LEKR1: variants seen among roughly 807,000 people sequenced by gnomAD.
The protein encoded by LEKR1 is leucine, glutamate and lysine rich 1.
LEKR1 carries 59 observed loss-of-function variants against 72.4 expected under a neutral mutation model. The observed-to-expected ratio is 0.82, with a 90% CI of 0.66 to 1.01. LEKR1 has a LOEUF of 1.01. LEKR1 is among the 50% of genes least tolerant of loss of function. The pLI, the probability that LEKR1 is intolerant of heterozygous loss-of-function variation, is 0.00. For missense variants in LEKR1, 728 were observed against 759.2 expected (o/e 0.96, Z 0.48); for synonymous variants, 257 against 263.2 (o/e 0.98, Z 0.23).
chr3:156,844,787 A>G (rs2108533986), intron 2 of LEKR1, among the ~76,000 whole-genome samples: 1 of 151,962 alleles, frequency 6.6e-6, no homozygotes. Flanking sequence ...GTTTTTTTCC[A>G]CTTTTCAGCT....
intron 12 of LEKR1, among the ~76,000 whole-genome samples, chr3:157,039,113 G>C (rs961417561): frequency 1.3e-5 from 2 of 152,042 alleles, no homozygotes; most frequent in Non-Finnish European, 2.9e-5. Context: ...ATCTCTACAG[G>C]GCTACCAAGA....
At chr3:156,958,900 G>A (rs760159090) in intron 6 of LEKR1, among the ~76,000 whole-genome samples, 14 of 151,882 alleles carry the variant, frequency 9.2e-5, no homozygotes, top group Non-Finnish European at 1.6e-4. Flanking sequence ...CATTCAAATC[G>A]TTTTGTTTGG....
intron 3 of LEKR1, among the ~76,000 whole-genome samples, chr3:156,883,716 A>T (rs1258122390): frequency 1.3e-5 from 2 of 152,178 alleles, no homozygotes; most frequent in Non-Finnish European, 1.5e-5. Flanking sequence ...GCCATGTAAG[A>T]CATGCCTTTC....
chr3:157,042,938 A>AT (rs1735465741), intron 12 of LEKR1, among the ~76,000 whole-genome samples: 1 of 152,170 alleles, frequency 6.6e-6, no homozygotes, highest in South Asian at 2.1e-4. Flanking sequence ...TCAAATTGTA[A>AT]TCCCCAGTGT....
intron 7 of LEKR1, among the ~76,000 whole-genome samples, chr3:156,981,401 ACTAATTAT>A (rs1244484944): frequency 2.0e-5 from 3 of 152,256 alleles, no homozygotes; most frequent in Admixed American, 2.0e-4. Context: ...AGTCCATCAA[ACTAATTAT>A]CTGTAGGAAG....
In LEKR1 at chr3:156,826,382, G is replaced by A. The variant is rs1711591117; in HGVS notation, c.-45+6G>A. 1 of 152,886 alleles carries A rather than the reference G, an allele frequency of 6.5e-6. No individual in the cohort carries two copies. 9.5% of individuals were successfully genotyped at this position (152,886 alleles called of 1,614,324 possible). ...CCGTCCTAGTCGAAGTCGAGGTGAG[G>A]GACGATGGCTTTCCTCAGCCTGGGA... On this transcript the variant is annotated splice_donor_region_variant and intron_variant, in intron 1 of 12. Transcript: ENST00000356539.
chr3:156,899,766 GCATATATACA>G (rs67916376), intron 3 of LEKR1, among the ~76,000 whole-genome samples: 2,521 of 104,100 alleles, frequency 0.024, 121 homozygotes, highest in African/African-American at 0.071. Context: ...ACATATACAT[GCATATATACA>G]CATATATACA....
chr3:157,011,178 A>G (rs555952845), intron 9 of LEKR1, among the ~76,000 whole-genome samples: 8 of 152,240 alleles, frequency 5.3e-5, no homozygotes, highest in Admixed American at 4.6e-4. Context: ...CCAAAATAAT[A>G]TCTTATTACT....
At chr3:157,026,771 A>C (rs2108035808) in intron 11 of LEKR1, among the ~76,000 whole-genome samples, 1 of 152,342 alleles carries the variant, frequency 6.6e-6, no homozygotes. Context: ...AATATTTATA[A>C]CATGACAATA....
chr3:156,834,316 G>T (rs1712826740), intron 2 of LEKR1, among the ~76,000 whole-genome samples: 1 of 152,012 alleles, frequency 6.6e-6, no homozygotes, highest in Admixed American at 6.6e-5. Flanking sequence ...TGGCTACATT[G>T]CTCACACCCA....
At chr3:156,829,205 C>T in intron 1 of LEKR1, 81 bp from the exon 2 acceptor site, 3 of 620,546 alleles carry the variant, frequency 4.8e-6, no homozygotes, top group Admixed American at 5.4e-5. Context: ...TCCCCAAATA[C>T]TTCTAGGAGT....
At chr3:156,930,158 G>A (rs1280176663) in intron 5 of LEKR1, among the ~76,000 whole-genome samples, 1 of 151,956 alleles carries the variant, frequency 6.6e-6, no homozygotes, top group African/African-American at 2.4e-5. Flanking sequence ...GACTTTTATA[G>A]CACATTGCAT....
At chr3:156,973,618 A>G (rs1161620244) in intron 6 of LEKR1, among the ~76,000 whole-genome samples, 1 of 152,148 alleles carries the variant, frequency 6.6e-6, no homozygotes, top group Non-Finnish European at 1.5e-5. Flanking sequence ...TAAATTTTGA[A>G]ATTGCCAATA....
intron 3 of LEKR1, among the ~76,000 whole-genome samples, chr3:156,897,202 A>C (rs531287452): frequency 4.8e-4 from 73 of 152,322 alleles, no homozygotes; most frequent in African/African-American, 1.6e-3. Flanking sequence ...GTTGGAAAGA[A>C]AAAATTCATG....
chr3:156,982,320 T>C (rs952230318), intron 7 of LEKR1, among the ~76,000 whole-genome samples: 1 of 152,162 alleles, frequency 6.6e-6, no homozygotes, highest in Non-Finnish European at 1.5e-5. Flanking sequence ...AATCGCAAGA[T>C]GGCTGCAGTT....
intron 3 of LEKR1, among the ~76,000 whole-genome samples, chr3:156,866,573 C>T (rs908258122): frequency 2.6e-5 from 4 of 152,008 alleles, no homozygotes; most frequent in East Asian, 1.9e-4. Context: ...ACCACTATAT[C>T]GTTAATATAC....
intron 3 of LEKR1, among the ~76,000 whole-genome samples, chr3:156,919,505 GA>G (rs1435402560): frequency 2.6e-5 from 4 of 152,158 alleles, no homozygotes; most frequent in African/African-American, 4.8e-5. Context: ...CATGTGTGAA[GA>G]AGCACCTTCT....
intron 3 of LEKR1, among the ~76,000 whole-genome samples, chr3:156,915,213 A>G (rs1723513776): frequency 6.6e-6 from 1 of 152,168 alleles, no homozygotes; most frequent in Non-Finnish European, 1.5e-5. Context: ...TGCAGTGAAC[A>G]TACGCATGCA....
chr3:156,833,090 A>C (rs1466432765), intron 2 of LEKR1, among the ~76,000 whole-genome samples: 2 of 152,238 alleles, frequency 1.3e-5, no homozygotes, highest in African/African-American at 4.8e-5. Flanking sequence ...TAAACAGCTC[A>C]AAAGGAAAGT....
Sources: gnomAD v4.1 joint callset for allele counts (sites outside exome capture counted in the v4.1 genomes callset) on GRCh38, gnomAD v4.1.1 for gene constraint, MANE v1.5 for transcripts, NCBI Gene and HGNC (gene_info 2026-07-23, HGNC 2026-07-21) for gene names.